PRKACA: variants seen among roughly 807,000 people sequenced by gnomAD.
PRKACA encodes cAMP-dependent protein kinase catalytic subunit alpha.
A neutral mutation model predicts 45.8 loss-of-function variants in PRKACA; 9 were observed. The observed-to-expected ratio is 0.20, with a 90% CI of 0.12 to 0.34. The LOEUF (loss-of-function observed/expected upper bound fraction) is 0.34. PRKACA is among the 10% of genes least tolerant of loss of function. PRKACA has a pLI of 1.00. For missense variants in PRKACA, 238 were observed against 458.6 expected (o/e 0.52, Z 4.39); for synonymous variants, 160 against 178.6 (o/e 0.90, Z 0.83).
Position 14,112,968 on chromosome 19 carries a change from C to CG in PRKACA, c.46+4533dup, listed in dbSNP as rs572796190. ...AACAGCTGGAGAGAAAGGCTTGGGGCGGGGGGCGACAAGAGCCACCCTGCC... is the reference window on the plus strand; with the variant it reads ...AACAGCTGGAGAGAAAGGCTTGGGGCGGGGGGGCGACAAGAGCCACCCTGCC... On this transcript the variant is annotated intron_variant, in intron 1 of 9. Transcript: ENST00000308677. 3.4e-4 allele frequency among the ~76,000 whole-genome samples: 51 copies of CG among 152,224 alleles called. No individual in the cohort carries two copies. In the East Asian group the frequency reaches 8.9e-3, roughly 27 times the overall value.
At chr19:14,113,163 T>C (rs973295461) in intron 1 of PRKACA, among the ~76,000 whole-genome samples, 3 of 151,264 alleles carry the variant, frequency 2.0e-5, no homozygotes, top group African/African-American at 7.3e-5. Context: ...TTGGCTCTAC[T>C]CTCGGCCATG....
At chr19:14,107,521 G>T in intron 1 of PRKACA, 112 bp from the exon 2 acceptor site, 1 of 1,374,640 alleles carries the variant, frequency 7.3e-7, no homozygotes, top group Non-Finnish European at 1.0e-6. Context: ...CCAACCCAGA[G>T]CCTGACCTTT....
chr19:14,093,772 G>T lies in PRKACA; in HGVS notation c.786C>A (p.Phe262Leu). The change falls in exon 9 of 10, where the codon TTC (phenylalanine) becomes TTA (leucine). Residue 262 changes from phenylalanine (F) to leucine (L), a missense_variant. Transcript: ENST00000308677. ...GCAGCAGGTCCTTCAAGTCAGAGCT[G>T]AAGTGGGAAGGGAAGCGCACCTGGA... is the stretch of plus-strand genomic sequence containing the variant. Reference protein sequence around the residue: ...VSGKVRFPSHFSSDLKDLLRN... With the variant: ...VSGKVRFPSHLSSDLKDLLRN... The T allele has an allele frequency of 6.2e-7, 1 of 1,613,490 alleles. No individual in the cohort carries two copies. The highest frequency in any genetic ancestry group is 8.5e-7 in the Non-Finnish European group (1 of 1,179,732).
rs144755101 is a variant in PRKACA at position 14,103,401 on chromosome 19, A to G, written c.238-487T>C. On this transcript the variant is annotated intron_variant, in intron 3 of 9. Transcript: ENST00000308677. Reference sequence around the variant, plus strand: ...CTGAACCTCAGGCTAACAGCTCCTCAGCCATCAGCTGTCCCCTAATAGCAG... The same window carrying G: ...CTGAACCTCAGGCTAACAGCTCCTCGGCCATCAGCTGTCCCCTAATAGCAG... 2.0e-3 allele frequency among the ~76,000 whole-genome samples: 304 copies of G among 152,308 alleles called. 2 individuals are homozygous for G. The highest frequency in any genetic ancestry group is 3.4e-3 in the Middle Eastern group (1 of 294).
intron 8 of PRKACA, among the ~76,000 whole-genome samples, chr19:14,096,132 GGGTTCAAGT>G (rs977909566): frequency 6.9e-6 from 1 of 144,320 alleles, no homozygotes; most frequent in African/African-American, 2.6e-5. Flanking sequence ...TCCGCCTCCT[GGGTTCAAGT>G]GATTCTCCTG....
chr19:14,097,731 C>A lies in PRKACA; in HGVS notation c.546+33G>T, dbSNP rs759906111. ...AGGAAGGGTCCAGGCCACGGCTTCC[C>A]CAGGGCTGCCCCTCGCCCGGCCTGG... On this transcript the variant is annotated intron_variant, in intron 6 of 9. Transcript: ENST00000308677. This position sits in a 1 kb window ranked among gnomAD's most constrained non-coding sequence, Gnocchi z 5.4. 12 of 1,613,988 alleles carry A rather than the reference C, an allele frequency of 7.4e-6. No individual in the cohort carries two copies. In the South Asian group the frequency reaches 1.3e-4, roughly 18 times the overall value.
At chr19:14,095,331 C>G (rs576244452) in intron 8 of PRKACA, among the ~76,000 whole-genome samples, 4 of 151,722 alleles carry the variant, frequency 2.6e-5, no homozygotes, top group African/African-American at 9.7e-5. Flanking sequence ...CCACCATATC[C>G]GGCTAATTTT....
intron 3 of PRKACA, among the ~76,000 whole-genome samples, chr19:14,103,936 G>C (rs1472071188): frequency 1.3e-5 from 2 of 152,124 alleles, no homozygotes; most frequent in Non-Finnish European, 2.9e-5. Context: ...GCAATTAGCT[G>C]GGCATGGCAC....
chr19:14,105,724 C>T (rs992451044), intron 3 of PRKACA, among the ~76,000 whole-genome samples: 3 of 151,988 alleles, frequency 2.0e-5, no homozygotes, highest in Non-Finnish European at 2.9e-5. Context: ...TACAGGCGTG[C>T]GCCACCGTGC....
At chr19:14,106,997 G>T in intron 2 of PRKACA, 109 bp from the exon 3 acceptor site, 3 of 1,430,734 alleles carry the variant, frequency 2.1e-6, no homozygotes, top group Middle Eastern at 2.5e-4. Context: ...CGGGGAGCAC[G>T]TGGGGTCAGC....
rs41296294 is a variant in PRKACA at position 14,097,936 on chromosome 19, A to G, written c.420-46T>C. 1.8e-3 allele frequency: 2,889 copies of G among 1,610,118 alleles called. 39 individuals carry two copies. The African/African-American group carries it at 0.033, about 18-fold the overall frequency. Reference sequence around the variant, plus strand: ...GGTGAACGTCAGTGGTCATGCCCCAAAATGGTCCAGCAGGTGGCCCTGCAG... The same window carrying G: ...GGTGAACGTCAGTGGTCATGCCCCAGAATGGTCCAGCAGGTGGCCCTGCAG... On this transcript the variant is annotated intron_variant, in intron 5 of 9. Transcript: ENST00000308677. The surrounding 1 kb of genome is among the most constrained non-coding windows in gnomAD (Gnocchi z 5.4).
chr19:14,093,168 C>G lies in PRKACA; in HGVS notation c.1000G>C (p.Glu334Gln). Residue 334 changes from glutamate to glutamine, a missense_variant, in exon 10 of 10, where the codon GAA becomes CAA. Around this residue, in one of 3 missense-constraint regions of PRKACA, gnomAD observed 51 missense variants for 68.6 expected, o/e 0.74. Coordinates refer to ENST00000308677, the MANE Select transcript of PRKACA (RefSeq NM_002730.4). ...DTSNFDDYEEEEIRVSINEKC... is the reference protein window; with the variant it reads ...DTSNFDDYEEQEIRVSINEKC... ...TCATTGATGGAGACCCGGATTTCTT[C>G]TTCCTCATAGTCGTCAAAGTTACTC... 1 of 1,613,832 alleles carries G rather than the reference C, an allele frequency of 6.2e-7. No homozygotes were observed. Among genetic ancestry groups the G allele is most frequent in the South Asian group, 1.1e-5 (1 of 91,078 alleles).
rs1347861150 is a variant in PRKACA at position 14,117,642 on chromosome 19, G to A, written c.-95C>T. The A allele has an allele frequency of 3.9e-6, 3 of 759,572 alleles. No individual in the cohort carries two copies. The African/African-American group carries it at 5.7e-5, about 15-fold the overall frequency. 47.1% of individuals were successfully genotyped at this position (759,572 alleles called of 1,614,324 possible). A position where few individuals can be genotyped will look rare whatever the true frequency, so the allele number is the denominator to read the frequency against. ...CGGAGCGCGCTGGGCGGCGGCGGCG[G>A]CGGCCCTCGGGCTGGCTGCGCTAGC... On this transcript the variant is annotated 5_prime_UTR_variant, in exon 1 of 10. Transcript: ENST00000308677.
chr19:14,094,995 A>G lies in PRKACA; in HGVS notation c.766-1203T>C, dbSNP rs535078119. On this transcript the variant is annotated intron_variant, in intron 8 of 9. Coordinates refer to ENST00000308677, the MANE Select transcript of PRKACA (RefSeq NM_002730.4). ...GCCCTTAACCTCTCTGGGCCTGCGCATGCCTCTCAGATGTGGGGCAGATAT... is the reference window on the plus strand; with the variant it reads ...GCCCTTAACCTCTCTGGGCCTGCGCGTGCCTCTCAGATGTGGGGCAGATAT... Among the ~76,000 whole-genome samples, 44 of 152,294 alleles carry G rather than the reference A, an allele frequency of 2.9e-4. 1 individual carries two copies. In the South Asian group the frequency reaches 8.7e-3, roughly 30 times the overall value.
intron 1 of PRKACA, chr19:14,115,022 C>G (rs1404473885): frequency 1.0e-6 from 1 of 967,186 alleles, no homozygotes; most frequent in Non-Finnish European, 1.2e-6. Flanking sequence ...TCTAAGAGGG[C>G]AAATTTTGTC....
intron 1 of PRKACA, chr19:14,114,012 C>G (rs1967045931): frequency 8.4e-7 from 1 of 1,184,706 alleles, no homozygotes; most frequent in Admixed American, 2.0e-5. Context: ...GTTTCCAGGG[C>G]CAGCCAGGGG....
At position 14,092,542 on chromosome 19, in the gene PRKACA, G is replaced by C. The variant is rs1977109575; in HGVS notation, c.*570C>G. On this transcript the variant is annotated 3_prime_UTR_variant, in exon 10 of 10. Coordinates refer to ENST00000308677, the MANE Select transcript of PRKACA (RefSeq NM_002730.4). ...AGAGGAAGGAGGGAGGGAGGCACTG[G>C]TGGAACTTAAATAAGATTTTAAATT... 2.5e-6 allele frequency: 1 copy of C among 398,784 alleles called. No individual in the cohort carries two copies. The allele number at this position is 398,784 out of a possible 1,614,324, so 24.7% of individuals were successfully genotyped here.
intron 8 of PRKACA, among the ~76,000 whole-genome samples, chr19:14,094,733 C>G (rs1016195067): frequency 6.6e-6 from 1 of 152,204 alleles, no homozygotes; most frequent in African/African-American, 2.4e-5. Context: ...TAAGGCATCT[C>G]TGCTGGGGTC....
intron 3 of PRKACA, among the ~76,000 whole-genome samples, chr19:14,105,841 G>T (rs1280267847): frequency 6.6e-6 from 1 of 152,160 alleles, no homozygotes; most frequent in Non-Finnish European, 1.5e-5. Flanking sequence ...AGCAGTGCCT[G>T]GTATAAAGTC....
Sources: allele counts gnomAD v4.1 joint callset (sites outside exome capture counted in the v4.1 genomes callset), GRCh38; gene constraint gnomAD v4.1.1; regional missense constraint gnomAD v4.1.1; non-coding constraint Gnocchi (gnomAD v3.1); transcripts MANE v1.5; gene names NCBI Gene and HGNC (gene_info 2026-07-23, HGNC 2026-07-21).